GLIS3: variants seen among roughly 807,000 people sequenced by gnomAD.
GLIS3 encodes the protein zinc finger protein GLIS3.
In GLIS3, 53 loss-of-function variants were observed where a neutral mutation model predicts 78.6. The observed-to-expected ratio is 0.67, with a 90% CI of 0.54 to 0.85. The LOEUF (loss-of-function observed/expected upper bound fraction) is 0.85, where lower values mean the gene tolerates loss of function less well. Ranked by LOEUF, GLIS3 falls within the 40% of genes least tolerant of loss-of-function variation. The pLI is 0.00. For missense variants in GLIS3, 1,703 were observed against 1,231.1 expected (o/e 1.38, Z -5.74); for synonymous variants, 684 against 509.9 (o/e 1.34, Z -4.60).
At chr9:4,311,997 G>A (rs1043016113) in intron 2 of GLIS3, among the ~76,000 whole-genome samples, 1 of 152,212 alleles carries the variant, frequency 6.6e-6, no homozygotes, top group African/African-American at 2.4e-5. Flanking sequence ...TGGAGAGTGG[G>A]AGGAGGAAGA....
At chr9:4,019,624 C>T (rs1282472114) in intron 4 of GLIS3, among the ~76,000 whole-genome samples, 1 of 152,064 alleles carries the variant, frequency 6.6e-6, no homozygotes, top group African/African-American at 2.4e-5. Flanking sequence ...TAGCATGCTA[C>T]ACACAGATAA....
At chr9:3,908,764 G>A (rs984625183) in intron 6 of GLIS3, among the ~76,000 whole-genome samples, 1 of 95,382 alleles carries the variant, frequency 1.0e-5, no homozygotes, top group Non-Finnish European at 1.9e-5. Flanking sequence ...ATAAGCCCTT[G>A]TAACAAGAGA....
At chr9:4,032,727 C>A (rs2130280946) in intron 4 of GLIS3, among the ~76,000 whole-genome samples, 1 of 151,934 alleles carries the variant, frequency 6.6e-6, no homozygotes, top group East Asian at 1.9e-4. Flanking sequence ...ATACCCTATG[C>A]CATGAGGTTT....
At chr9:4,251,820 C>T (rs867081830) in intron 2 of GLIS3, among the ~76,000 whole-genome samples, 6 of 152,142 alleles carry the variant, frequency 3.9e-5, no homozygotes, top group South Asian at 2.1e-4. Context: ...AATCTCTAAG[C>T]ATTTGCTTGT....
At chr9:3,987,643 G>C (rs1346793953) in intron 4 of GLIS3, among the ~76,000 whole-genome samples, 8 of 150,030 alleles carry the variant, frequency 5.3e-5, no homozygotes, top group Non-Finnish European at 7.4e-5. Context: ...GTTACAGTGA[G>C]CCAAGATCAC....
intron 2 of GLIS3, among the ~76,000 whole-genome samples, chr9:4,236,184 C>CAAAAAAAAAAAAAAAA (rs59839951): frequency 1.3e-4 from 11 of 84,280 alleles, no homozygotes; most frequent in Non-Finnish European, 1.8e-4. Flanking sequence ...GTGGTTGTCA[C>CAAAAAAAAAAAAAAAA]AAAAAAAAAA....
At chr9:4,032,252 G>C (rs1823902649) in intron 4 of GLIS3, among the ~76,000 whole-genome samples, 1 of 152,174 alleles carries the variant, frequency 6.6e-6, no homozygotes, top group Non-Finnish European at 1.5e-5. Flanking sequence ...CAGAGCAAGA[G>C]GGGCTGGTTT....
Position 3,991,929 on chromosome 9 carries a change from A to C in GLIS3, c.1711-54740T>G, listed in dbSNP as rs1039713451. Among the ~76,000 whole-genome samples, 14 of 152,108 alleles carry C rather than the reference A, an allele frequency of 9.2e-5. No individual in the cohort carries two copies. In the East Asian group the frequency reaches 1.2e-3, roughly 13 times the overall value. On this transcript the variant is annotated intron_variant, in intron 4 of 10. Transcript: ENST00000381971. ...ACAGTCTTGATCTCCTGACTTCGTG[A>C]TCCGCCCGCCTCGGCCTCCCAAAGT...
chr9:4,035,485 C>T (rs1824220187), intron 4 of GLIS3, among the ~76,000 whole-genome samples: 1 of 151,718 alleles, frequency 6.6e-6, no homozygotes, highest in Non-Finnish European at 1.5e-5. Flanking sequence ...CACATCTGGC[C>T]ACATTCTTTA....
intron 7 of GLIS3, among the ~76,000 whole-genome samples, chr9:3,886,279 A>G (rs919559586): frequency 1.1e-4 from 16 of 151,862 alleles, no homozygotes; most frequent in African/African-American, 3.6e-4. Context: ...TTGTTGTTCT[A>G]TTTTTTTTAT....
intron 2 of GLIS3, among the ~76,000 whole-genome samples, chr9:4,156,561 C>T (rs1031101752): frequency 6.6e-6 from 1 of 152,184 alleles, no homozygotes; most frequent in Non-Finnish European, 1.5e-5. Flanking sequence ...TGTATTTGGT[C>T]TGAATGGTGA....
At chr9:4,335,011 C>G (rs1443011577) in intron 2 of GLIS3, among the ~76,000 whole-genome samples, 4 of 147,678 alleles carry the variant, frequency 2.7e-5, no homozygotes, top group African/African-American at 5.0e-5. Flanking sequence ...CGGGTTCATG[C>G]CATTCTCCTG....
intron 4 of GLIS3, among the ~76,000 whole-genome samples, chr9:4,088,578 T>C (rs1829237013): frequency 1.3e-5 from 2 of 152,248 alleles, no homozygotes; most frequent in African/African-American, 4.8e-5. Context: ...TCTTATTTCT[T>C]AAAACTGGCT....
chr9:4,040,441 C>A (rs985341574), intron 4 of GLIS3, among the ~76,000 whole-genome samples: 2 of 152,112 alleles, frequency 1.3e-5, no homozygotes, highest in Non-Finnish European at 2.9e-5. Flanking sequence ...ACTATTACAG[C>A]GTGCTACATT....
intron 2 of GLIS3, among the ~76,000 whole-genome samples, chr9:4,232,850 T>G (rs1012691201): frequency 6.6e-6 from 1 of 152,202 alleles, no homozygotes; most frequent in East Asian, 1.9e-4. Context: ...TAAATAGTGG[T>G]AAGTTAAAAA....
chr9:4,068,562 G>GGT (rs1564007865), intron 4 of GLIS3, among the ~76,000 whole-genome samples: 52 of 152,214 alleles, frequency 3.4e-4, no homozygotes, highest in African/African-American at 1.2e-3. Flanking sequence ...CAATGACCAA[G>GGT]TATAACCTGT....
the GLIS3 span, among the ~76,000 whole-genome samples, chr9:4,481,092 C>G: frequency 2.6e-5 from 4 of 152,074 alleles, no homozygotes; most frequent in Non-Finnish European, 4.4e-5. Context: ...CTGGGCTCAA[C>G]TGATCCTCCC....
At chr9:4,019,940 T>A (rs1191255834) in intron 4 of GLIS3, among the ~76,000 whole-genome samples, 1 of 151,842 alleles carries the variant, frequency 6.6e-6, no homozygotes, top group Admixed American at 6.6e-5. Context: ...ATTTTTTTTG[T>A]AGAGACGGGG....
In GLIS3 at chr9:3,851,114, G is replaced by A. The variant is rs148077037; in HGVS notation, c.2473+4895C>T. Among the ~76,000 whole-genome samples, 465 of 152,310 alleles carry A rather than the reference G, an allele frequency of 3.1e-3. 2 individuals carry two copies. The highest frequency in any genetic ancestry group is 0.011 in the African/African-American group (443 of 41,572). On this transcript the variant is annotated intron_variant, in intron 9 of 10. Transcript: ENST00000381971. ...ATGGGCCCAGAAGCAGGAAAGTTGT[G>A]AAAATGCTGTTGTAGGAATTCTCGT... is the stretch of plus-strand genomic sequence containing the variant.
Sources: allele counts gnomAD v4.1 joint callset (sites outside exome capture counted in the v4.1 genomes callset), GRCh38; gene constraint gnomAD v4.1.1; transcripts MANE v1.5; gene names NCBI Gene and HGNC (gene_info 2026-07-23, HGNC 2026-07-21).